The following ZFHX3 variants were observed in gnomAD, a reference collection of about 807,000 sequenced individuals.
ZFHX3 encodes zinc finger homeobox protein 3.
In ZFHX3, 42 loss-of-function variants were observed where a neutral mutation model predicts 279.1. The observed-to-expected ratio is 0.15, with a 90% confidence interval of 0.12 to 0.19. The LOEUF is 0.19. Ranked by LOEUF, ZFHX3 falls within the 10% of genes least tolerant of loss-of-function variation. The pLI, the probability that ZFHX3 is intolerant of heterozygous loss-of-function variation, is 1.00. For missense variants in ZFHX3, 4,981 were observed against 4,754.0 expected (o/e 1.05, Z -1.40); for synonymous variants, 2,293 against 1,957.8 (o/e 1.17, Z -4.52).
At chr16:73,105,382 TAC>T (rs1188959195) in intron 7 of ZFHX3, among the ~76,000 whole-genome samples, 2,073 of 40,440 alleles carry the variant, frequency 0.051, 116 homozygotes, top group African/African-American at 0.13. Context: ...TATATATATA[TAC>T]ACACACACAC....
intron 3 of ZFHX3, among the ~76,000 whole-genome samples, chr16:73,443,684 A>G (rs1349635697): frequency 6.6e-6 from 1 of 151,930 alleles, no homozygotes; most frequent in Admixed American, 6.6e-5. Flanking sequence ...CTCTCTATGG[A>G]TATGGAGAAT....
chr16:73,629,127 A>C (rs9972764), intron 2 of ZFHX3, among the ~76,000 whole-genome samples: 149,504 of 152,288 alleles, frequency 0.98, 73,408 homozygotes, highest in East Asian at 1. Flanking sequence ...TATCAATAGC[A>C]AGCCATTCCT....
intron 4 of ZFHX3, among the ~76,000 whole-genome samples, chr16:73,297,172 G>A (rs60580210): frequency 4.6e-5 from 7 of 151,766 alleles, no homozygotes; most frequent in Non-Finnish European, 7.4e-5. Context: ...CCACTGCGCC[G>A]AGCCAGCAGG....
chr16:73,448,779 T>C (rs1408806757), intron 3 of ZFHX3, among the ~76,000 whole-genome samples: 1 of 151,376 alleles, frequency 6.6e-6, no homozygotes, highest in Non-Finnish European at 1.5e-5. Context: ...TTCTGTCTAT[T>C]GCATTCTCTA....
At chr16:73,138,339 GA>G (rs1966829036) in intron 6 of ZFHX3, among the ~76,000 whole-genome samples, 1 of 152,116 alleles carries the variant, frequency 6.6e-6, no homozygotes, top group Non-Finnish European at 1.5e-5. Flanking sequence ...CCTGTATAGA[GA>G]AAAGCAACAA....
intron 1 of ZFHX3, among the ~76,000 whole-genome samples, chr16:73,829,512 T>C: frequency 2.5e-5 from 1 of 39,874 alleles, no homozygotes; most frequent in Non-Finnish European, 4.3e-5. Context: ...TTTTCTGTTC[T>C]GTTTTTTCCC....
chr16:73,218,937 C>G (rs565366048), intron 5 of ZFHX3, among the ~76,000 whole-genome samples: 46 of 152,276 alleles, frequency 3.0e-4, no homozygotes, highest in African/African-American at 1.1e-3. Flanking sequence ...TACCTATCAG[C>G]AGTCATTCTC....
chr16:73,804,018 G>C (rs1032121692), intron 1 of ZFHX3, among the ~76,000 whole-genome samples: 1 of 152,118 alleles, frequency 6.6e-6, no homozygotes, highest in African/African-American at 2.4e-5. Flanking sequence ...TTAACTGGGA[G>C]TGGTGGCACA....
intron 4 of ZFHX3, among the ~76,000 whole-genome samples, chr16:73,315,753 G>A (rs1030964955): frequency 6.6e-6 from 1 of 152,212 alleles, no homozygotes; most frequent in African/African-American, 2.4e-5. Context: ...TAAGGAGATG[G>A]TGTTTTCTTT....
intron 2 of ZFHX3, among the ~76,000 whole-genome samples, chr16:73,528,173 G>A (rs1003999362): frequency 4.6e-5 from 7 of 152,176 alleles, no homozygotes; most frequent in African/African-American, 1.2e-4. Context: ...TTCGTGGGAA[G>A]GGAAATTCGA....
chr16:72,829,290 T>A (rs2037008422), intron 5 of ZFHX3, among the ~76,000 whole-genome samples: 1 of 151,900 alleles, frequency 6.6e-6, no homozygotes, highest in Admixed American at 6.6e-5. Context: ...TGAGATTACA[T>A]GAGCCACTGT....
Position 72,798,462 on chromosome 16 carries a change from C to T in ZFHX3, c.4220G>A (p.Ser1407Asn), listed in dbSNP as rs775582688. The T allele has an allele frequency of 6.2e-7, 1 of 1,614,186 alleles. No individual in the cohort carries two copies. The highest frequency in any genetic ancestry group is 1.1e-5 in the South Asian group (1 of 91,070). ...HVYKYRCNQC[S>N]LAFKTIEKLQ... ...CTTTTCAATGGTCTTGAAGGCCAGG[C>T]TACACTGATTACAGCGGTACTTGTA... Residue 1407 changes from serine (S) to asparagine (N), a missense_variant, in exon 9 of 10, where the codon AGC becomes AAC. Ser to Asn is a conservative substitution (Grantham distance 46). Around this residue, in one of 7 missense-constraint regions of ZFHX3, gnomAD observed 1,751 missense variants for 1,770.0 expected, o/e 0.99. Coordinates refer to ENST00000268489, the MANE Select transcript of ZFHX3 (RefSeq NM_006885.4).
At chr16:72,884,547 T>C (rs905316125) in intron 4 of ZFHX3, among the ~76,000 whole-genome samples, 1 of 152,182 alleles carries the variant, frequency 6.6e-6, no homozygotes, top group Non-Finnish European at 1.5e-5. Context: ...TTGTTGAACT[T>C]TAATTACATG....
intron 3 of ZFHX3, among the ~76,000 whole-genome samples, chr16:73,376,133 C>T (rs1189782240): frequency 6.6e-6 from 1 of 152,152 alleles, no homozygotes; most frequent in Non-Finnish European, 1.5e-5. Context: ...TTATAGCTTA[C>T]TCTTTTGGTT....
At chr16:73,704,529 A>C (rs1014044988) in intron 1 of ZFHX3, among the ~76,000 whole-genome samples, 1 of 152,234 alleles carries the variant, frequency 6.6e-6, no homozygotes, top group Non-Finnish European at 1.5e-5. Flanking sequence ...ACTGTACTGC[A>C]CATAAGACAC....
Position 72,958,616 on chromosome 16 carries a change from C to CTCCTCATGGGGCCTGTCCTCCAGT in ZFHX3, c.1506_1529dup (p.Leu503_Glu510dup). On this transcript the variant is annotated inframe_insertion, in exon 2 of 10. Transcript: ENST00000268489. The stretch of plus-strand genomic sequence containing the variant: ...TGCTACTACCTGCTGCGGCCCCAGG[C>CTCCTCATGGGGCCTGTCCTCCAGT]TCCTCATGGGGCCTGTCCTCCAGTT... 3 of 1,613,954 alleles carry CTCCTCATGGGGCCTGTCCTCCAGT rather than the reference C, an allele frequency of 1.9e-6. No individual in the cohort carries two copies. Among genetic ancestry groups the CTCCTCATGGGGCCTGTCCTCCAGT allele is most frequent in the Non-Finnish European group, 2.5e-6 (3 of 1,180,002 alleles).
At chr16:73,496,956 G>C (rs931413575) in intron 2 of ZFHX3, among the ~76,000 whole-genome samples, 1 of 152,124 alleles carries the variant, frequency 6.6e-6, no homozygotes, top group Admixed American at 6.6e-5. Context: ...GGTAGCCCTG[G>C]TTTCTGGGCT....
intron 1 of ZFHX3, among the ~76,000 whole-genome samples, chr16:73,024,034 T>C (rs1434036173): frequency 2.6e-5 from 4 of 152,276 alleles, no homozygotes; most frequent in African/African-American, 9.6e-5. Flanking sequence ...TTAAACAACA[T>C]GCACATGCCA....
rs2035400012 is a variant in ZFHX3 at position 72,786,875 on chromosome 16, G to A, written c.*289C>T. Reference sequence around the variant, plus strand: ...CCAAAGACATTAGGGAGGCCCTGCGGACTTCTGTTTCCCAGACCAATAGTA... The same window carrying A: ...CCAAAGACATTAGGGAGGCCCTGCGAACTTCTGTTTCCCAGACCAATAGTA... On this transcript the variant is annotated 3_prime_UTR_variant, in exon 10 of 10. Coordinates refer to ENST00000268489, the MANE Select transcript of ZFHX3 (RefSeq NM_006885.4). The A allele has an allele frequency of 5.3e-6, 1 of 187,896 alleles. No individual in the cohort carries two copies. The highest frequency in any genetic ancestry group is 1.9e-4 in the South Asian group (1 of 5,248). 11.6% of individuals were successfully genotyped at this position (187,896 alleles called of 1,614,324 possible).
Sources: gnomAD v4.1 joint callset for allele counts (sites outside exome capture counted in the v4.1 genomes callset) on GRCh38, gnomAD v4.1.1 for gene constraint, gnomAD v4.1.1 regional missense constraint, MANE v1.5 for transcripts, NCBI Gene and HGNC (gene_info 2026-07-23, HGNC 2026-07-21) for gene names.